Variants in GOLGA8B observed in about 807,000 individuals in gnomAD.
GOLGA8B encodes golgin A8 family member B, also known as golgin subfamily A member 8B.
A neutral mutation model predicts 15.6 loss-of-function variants in GOLGA8B; 1 was observed. That is an observed-to-expected ratio of 0.06 (90% CI 0.02 to 0.30). GOLGA8B has a LOEUF of 0.30. GOLGA8B is among the 10% of genes least tolerant of loss of function. The pLI, the probability that GOLGA8B is intolerant of heterozygous loss-of-function variation, is 1.00. For missense variants in GOLGA8B, 17 were observed against 201.3 expected, an observed-to-expected ratio of 0.08 and a Z score of 5.54; for synonymous variants, 9 against 80.3, an observed-to-expected ratio of 0.11 and a Z score of 4.75.
At chr15:34,570,750 C>T (rs1888893759) in intron 1 of GOLGA8B, among the ~76,000 whole-genome samples, 1 of 111,864 alleles carries the variant, frequency 8.9e-6, no homozygotes, top group Non-Finnish European at 2.0e-5. Context: ...AAGGCAACAA[C>T]TTTTCTACAG....
At chr15:34,559,024 G>T (rs1888556666) in intron 1 of GOLGA8B, among the ~76,000 whole-genome samples, 1 of 96,118 alleles carries the variant, frequency 1.0e-5, no homozygotes, top group South Asian at 3.2e-4. Context: ...CTTCTGAGCC[G>T]CTGGCATAGC....
At chr15:34,583,057 C>A (rs568546472) in intron 1 of GOLGA8B, among the ~76,000 whole-genome samples, 1 of 152,174 alleles carries the variant, frequency 6.6e-6, no homozygotes, top group African/African-American at 2.4e-5. Context: ...CCCGGGGAAG[C>A]GAACCCAGAG....
chr15:34,578,088 C>T (rs909596099), intron 1 of GOLGA8B, among the ~76,000 whole-genome samples: 1 of 152,148 alleles, frequency 6.6e-6, no homozygotes, highest in Non-Finnish European at 1.5e-5. Context: ...TCCTAAATGT[C>T]AGTAGTGTTC....
Position 34,568,976 on chromosome 15 carries a change from C to A in GOLGA8B, c.-1123+14540G>T, listed in dbSNP as rs1052172920. On this transcript the variant is annotated intron_variant, in intron 1 of 23. Coordinates refer to ENST00000683415, the MANE Select transcript of GOLGA8B (RefSeq NM_001023567.5). ...TCTCGCTCTCGCTCTCTCTCTCATG[C>A]TGATTCTGCAGGCATTCTACAGGCC... Among the ~76,000 whole-genome samples, 3 of 150,084 alleles carry A rather than the reference C, an allele frequency of 2.0e-5. 1 individual carries two copies. Among genetic ancestry groups the A allele is most frequent in the African/African-American group, 7.6e-5 (3 of 39,426 alleles).
intron 1 of GOLGA8B, among the ~76,000 whole-genome samples, chr15:34,577,852 C>T (rs1373134469): frequency 1.3e-5 from 2 of 152,136 alleles, no homozygotes; most frequent in Admixed American, 6.5e-5. Flanking sequence ...GAAGTTGCTC[C>T]GGTGAGTCAG....
intron 1 of GOLGA8B, among the ~76,000 whole-genome samples, chr15:34,567,368 C>T (rs1382886625): frequency 6.6e-6 from 1 of 150,824 alleles, no homozygotes; most frequent in Non-Finnish European, 1.5e-5. Flanking sequence ...CCCCCTTTGC[C>T]CCCACTTCCT....
intron 1 of GOLGA8B, among the ~76,000 whole-genome samples, chr15:34,565,220 C>T (rs1381732204): frequency 7.2e-6 from 1 of 139,758 alleles, no homozygotes; most frequent in East Asian, 2.0e-4. Flanking sequence ...ACTGCAACCT[C>T]CGCCTCCCAG....
chr15:34,565,246 T>C (rs1209091798), intron 1 of GOLGA8B, among the ~76,000 whole-genome samples: 1 of 140,430 alleles, frequency 7.1e-6, no homozygotes, highest in Non-Finnish European at 1.6e-5. Flanking sequence ...AGCAATTCTG[T>C]GGCCTCAGCC....
chr15:34,551,867 A>C (rs1363955076), intron 3 of GOLGA8B, among the ~76,000 whole-genome samples: 3 of 104,940 alleles, frequency 2.9e-5, no homozygotes, highest in South Asian at 2.9e-4. Flanking sequence ...GTGTTCCCAC[A>C]GTTAGGTGGG....
intron 1 of GOLGA8B, among the ~76,000 whole-genome samples, chr15:34,580,900 T>C (rs932158480): frequency 2.0e-5 from 3 of 152,146 alleles, no homozygotes; most frequent in Non-Finnish European, 4.4e-5. Flanking sequence ...TCCATGTTCC[T>C]AGTCCTCACG....
chr15:34,575,141 C>T (rs145553134), intron 1 of GOLGA8B, among the ~76,000 whole-genome samples: 17,258 of 149,438 alleles, frequency 0.12, 1,606 homozygotes, highest in Admixed American at 0.27. Flanking sequence ...ATAAAACGTC[C>T]GCACTAGCAA....
intron 1 of GOLGA8B, among the ~76,000 whole-genome samples, chr15:34,564,768 C>G (rs906484341): frequency 1.4e-5 from 2 of 143,514 alleles, no homozygotes; most frequent in African/African-American, 5.0e-5. Context: ...CAGCTTTGAG[C>G]TGGCAAGGCT....
Position 34,527,951 on chromosome 15 carries a change from T to TG in GOLGA8B, c.1579dup (p.Gln527ProfsTer11). The TG allele has an allele frequency of 7.4e-7, 1 of 1,343,830 alleles. No homozygotes were observed. Among genetic ancestry groups the TG allele is most frequent in the Non-Finnish European group, 1.0e-6 (1 of 1,000,632 alleles). The allele number at this position is 1,343,830 out of a possible 1,614,324, so 83.2% of individuals were successfully genotyped here. On this transcript the variant is annotated frameshift_variant, in exon 23 of 24. Transcript: ENST00000683415. LOFTEE classifies it high-confidence loss of function. ...ATGCTTGTCGGCAGCCCCGAGCTCC[T>TG]GGGGGGCTGGGGCTCCTGGACTGGG... is the stretch of plus-strand genomic sequence containing the variant.
chr15:34,571,881 C>A (rs928807050), intron 1 of GOLGA8B, among the ~76,000 whole-genome samples: 1 of 151,738 alleles, frequency 6.6e-6, no homozygotes, highest in Non-Finnish European at 1.5e-5. Flanking sequence ...ATTCAAAGGA[C>A]AAGTGGCATC....
chr15:34,574,740 C>T (rs1863497), intron 1 of GOLGA8B: 55,193 of 151,884 alleles, frequency 0.36, 10,384 homozygotes, highest in Admixed American at 0.45. Context: ...ATGGGCCTCA[C>T]GGGAGGGAAT....
chr15:34,581,790 A>G (rs1399745531), intron 1 of GOLGA8B, among the ~76,000 whole-genome samples: 2 of 152,136 alleles, frequency 1.3e-5, no homozygotes, highest in African/African-American at 4.8e-5. Flanking sequence ...CCAGCCCAAG[A>G]GCCAGACAGT....
chr15:34,575,561 C>CT (rs1231418317), intron 1 of GOLGA8B, among the ~76,000 whole-genome samples: 2 of 151,942 alleles, frequency 1.3e-5, no homozygotes, highest in Admixed American at 1.3e-4. Context: ...ATCTCCAGCT[C>CT]TGACCTACAC....
rs369660190 is a variant in GOLGA8B, at chr15:34,527,853, G to A, written c.1610-19C>T. Reference sequence around the variant, plus strand: ...CAAAGATCTTTGGAGAGAGAGAGGCGGGGATCTGAGTGGAGTGCTAGCCGC... The same window carrying A: ...CAAAGATCTTTGGAGAGAGAGAGGCAGGGATCTGAGTGGAGTGCTAGCCGC... On this transcript the variant is annotated intron_variant, in intron 23 of 23. Transcript: ENST00000683415. The A allele has an allele frequency of 1.1e-4, 171 of 1,569,106 alleles. 18 individuals are homozygous for A. The highest frequency in any genetic ancestry group is 5.8e-4 in the Middle Eastern group (3 of 5,190).
intron 1 of GOLGA8B, among the ~76,000 whole-genome samples, chr15:34,573,817 C>T (rs1460139202): frequency 2.6e-5 from 4 of 151,760 alleles, no homozygotes; most frequent in South Asian, 2.1e-4. Flanking sequence ...ATTCCTAGGA[C>T]AACCAACAGC....
Sources: gnomAD v4.1 joint callset for allele counts (sites outside exome capture counted in the v4.1 genomes callset) on GRCh38, gnomAD v4.1.1 for gene constraint, MANE v1.5 for transcripts, NCBI Gene and HGNC (gene_info 2026-07-23, HGNC 2026-07-21) for gene names.